Variants in SCN10A observed in about 807,000 individuals in gnomAD.
SCN10A encodes the protein sodium channel protein type 10 subunit alpha.
Under a neutral mutation model 170.7 loss-of-function variants are expected in SCN10A, and 162 were observed. That is an observed-to-expected ratio of 0.95 (90% CI 0.84 to 1.08). The LOEUF (loss-of-function observed/expected upper bound fraction) is 1.08. SCN10A is among the 50% of genes least tolerant of loss of function. The pLI is 0.00. For synonymous variants in SCN10A, 985 were observed against 904.6 expected, an observed-to-expected ratio of 1.09 and a Z score of -1.59; for missense variants, 2,527 against 2,436.9, an observed-to-expected ratio of 1.04 and a Z score of -0.78.
intron 4 of SCN10A, among the ~76,000 whole-genome samples, chr3:38,776,662 C>T (rs1466061969): frequency 6.6e-6 from 1 of 152,016 alleles, no homozygotes; most frequent in Non-Finnish European, 1.5e-5. Context: ...CCTTAGATCA[C>T]TTGTTGAGAA....
chr3:38,780,142 A>G (rs2064122680), intron 4 of SCN10A, among the ~76,000 whole-genome samples: 1 of 152,036 alleles, frequency 6.6e-6, no homozygotes, highest in African/African-American at 2.4e-5. Context: ...CTCCTACTCT[A>G]ATAATTTCTG....
Position 38,702,059 on chromosome 3 carries a change from G to A in SCN10A, c.4437C>T (p.Asp1479=). 6.3e-7 allele frequency: 1 copy of A among 1,592,066 alleles called. No individual in the cohort carries two copies. The highest frequency in any genetic ancestry group is 2.2e-5 in the East Asian group (1 of 44,456). The change falls in exon 27 of 28, where the codon GAC becomes GAT. Residue 1479 remains aspartate, a synonymous_variant. Transcript: ENST00000449082. ...GGCAGATGAGGACCATGATGGTGAT[G>A]TCAAAAGCTTGTCTGGTCACGATGT... ...VFDIVTRQAF[D]ITIMVLICLN...
chr3:38,807,699 T>C (rs2064414088), intron 1 of SCN10A, among the ~76,000 whole-genome samples: 1 of 152,180 alleles, frequency 6.6e-6, no homozygotes, highest in African/African-American at 2.4e-5. Context: ...AAACCTCTTT[T>C]CTGTTCCAGA....
intron 13 of SCN10A, among the ~76,000 whole-genome samples, chr3:38,747,774 G>T (rs1468550630): frequency 1.3e-5 from 2 of 152,196 alleles, no homozygotes; most frequent in Non-Finnish European, 2.9e-5. Flanking sequence ...CATTGTACTT[G>T]CTATTTGTGT....
intron 1 of SCN10A, among the ~76,000 whole-genome samples, chr3:38,811,205 C>A (rs2064439093): frequency 6.6e-6 from 1 of 152,148 alleles, no homozygotes; most frequent in Non-Finnish European, 1.5e-5. Context: ...GTAATCCCAG[C>A]ACTTTGGGAG....
At chr3:38,782,071 T>C (rs1304578095) in intron 4 of SCN10A, among the ~76,000 whole-genome samples, 1 of 152,150 alleles carries the variant, frequency 6.6e-6, no homozygotes, top group Non-Finnish European at 1.5e-5. Context: ...CTCTGTTTTA[T>C]CCATTATCTG....
intron 4 of SCN10A, among the ~76,000 whole-genome samples, chr3:38,773,705 G>T (rs1463689956): frequency 6.6e-6 from 1 of 152,118 alleles, no homozygotes; most frequent in East Asian, 1.9e-4. Flanking sequence ...TGTAAACAGT[G>T]TTTACTTAGC....
At position 38,811,316 on chromosome 3, in the gene SCN10A, G is replaced by A. The variant is rs572260316; in HGVS notation, c.-33+4721C>T. Among the ~76,000 whole-genome samples the A allele has an allele frequency of 1.1e-4, 16 of 152,166 alleles. No individual in the cohort carries two copies. In the East Asian group the frequency reaches 2.7e-3, roughly 26 times the overall value. On this transcript the variant is annotated intron_variant, in intron 1 of 27. Coordinates refer to ENST00000449082, the MANE Select transcript of SCN10A (RefSeq NM_006514.4). Reference sequence around the variant, plus strand: ...AAAGATACAAAAATTAGCCAGGCATGGTGGCGTGAACCTGTAATCCCAGCT... The same window carrying A: ...AAAGATACAAAAATTAGCCAGGCATAGTGGCGTGAACCTGTAATCCCAGCT...
chr3:38,753,208 G>A (rs60278090), intron 11 of SCN10A, among the ~76,000 whole-genome samples: 2,184 of 152,318 alleles, frequency 0.014, 67 homozygotes, highest in East Asian at 0.089. Context: ...AGGGAACTGT[G>A]TGGCTTAAAG....
chr3:38,735,733 G>A (rs1478391342), intron 15 of SCN10A, among the ~76,000 whole-genome samples: 1 of 152,216 alleles, frequency 6.6e-6, no homozygotes, highest in Non-Finnish European at 1.5e-5. Flanking sequence ...CAGAGCAAAT[G>A]GAGCAAGGCT....
intron 5 of SCN10A, among the ~76,000 whole-genome samples, chr3:38,770,821 C>G (rs1000477721): frequency 2.6e-5 from 4 of 152,156 alleles, no homozygotes; most frequent in Non-Finnish European, 5.9e-5. Context: ...CCAAGGGTGC[C>G]TGTGAGACAT....
intron 18 of SCN10A, 108 bp downstream of exon 18, chr3:38,725,066 A>C: frequency 1.0e-6 from 1 of 994,178 alleles, no homozygotes; most frequent in Non-Finnish European, 1.4e-6. Context: ...TATGTGATTG[A>C]GTGCAGTCTG....
rs754432361 is a variant in SCN10A, at chr3:38,728,888, T to C, written c.2294A>G (p.Lys765Arg). The change falls in exon 16 of 28, where the codon AAG becomes AGG. Residue 765 changes from lysine (K) to arginine (R), a missense_variant. Coordinates refer to ENST00000449082, the MANE Select transcript of SCN10A (RefSeq NM_006514.4). ...LRSFRLLRVFKLAKSWPTLNT... is the reference protein window; with the variant it reads ...LRSFRLLRVFRLAKSWPTLNT... ...TAAGGTGGGCCAGGATTTGGCCAGCTTGAATACGCGCAGCTGCAGAGAAAC... is the reference window on the plus strand; with the variant it reads ...TAAGGTGGGCCAGGATTTGGCCAGCCTGAATACGCGCAGCTGCAGAGAAAC... The C allele has an allele frequency of 6.2e-7, 1 of 1,609,196 alleles. No homozygotes were observed. The highest frequency in any genetic ancestry group is 1.7e-5 in the Admixed American group (1 of 59,888).
intron 15 of SCN10A, among the ~76,000 whole-genome samples, chr3:38,733,930 G>A (rs888610568): frequency 1.3e-5 from 2 of 152,170 alleles, no homozygotes; most frequent in African/African-American, 4.8e-5. Flanking sequence ...ATGTTGGTCA[G>A]GCTGGTCTCG....
chr3:38,752,174 A>G (rs372368914), intron 12 of SCN10A, 45 bp downstream of exon 12: 7 of 1,444,802 alleles, frequency 4.8e-6, no homozygotes, highest in African/African-American at 1.5e-5. Flanking sequence ...CAAGGCTTCT[A>G]GGTGGAAGAC....
At chr3:38,782,485 A>G (rs1283615502) in intron 4 of SCN10A, among the ~76,000 whole-genome samples, 1 of 151,900 alleles carries the variant, frequency 6.6e-6, no homozygotes, top group East Asian at 1.9e-4. Flanking sequence ...GTTCTTGTAT[A>G]TTTATACTGT....
chr3:38,791,007 G>A (rs1208748917), intron 3 of SCN10A, among the ~76,000 whole-genome samples: 1 of 152,206 alleles, frequency 6.6e-6, no homozygotes, highest in Non-Finnish European at 1.5e-5. Context: ...GCTTCATGTT[G>A]AGTGTGCAGA....
At chr3:38,756,073 GT>G in intron 10 of SCN10A, 115 bp from the exon 11 acceptor site, 1 of 1,127,058 alleles carries the variant, frequency 8.9e-7, no homozygotes. Flanking sequence ...AAGCTGAAGG[GT>G]TAGGACCAGG....
At chr3:38,758,609 A>G (rs920969411) in intron 8 of SCN10A, among the ~76,000 whole-genome samples, 2 of 152,140 alleles carry the variant, frequency 1.3e-5, no homozygotes, top group South Asian at 4.1e-4. Context: ...CCTTCCTCCC[A>G]CAGTGCCATT....
Sources: allele counts gnomAD v4.1 joint callset (sites outside exome capture counted in the v4.1 genomes callset), GRCh38; gene constraint gnomAD v4.1.1; transcripts MANE v1.5; gene names NCBI Gene and HGNC (gene_info 2026-07-23, HGNC 2026-07-21).